SEC14L5: variants seen among roughly 807,000 people sequenced by gnomAD.
SEC14L5 encodes SEC14 like lipid binding 5, also known as SEC14-like protein 5.
SEC14L5 carries 96 observed loss-of-function variants against 84.6 expected under a neutral mutation model. That is an observed-to-expected ratio of 1.13 (90% CI 0.96 to 1.34). The LOEUF is 1.34. SEC14L5 is among the 40% of genes most tolerant of loss of function. SEC14L5 has a pLI of 0.00. For synonymous variants in SEC14L5, 546 were observed against 383.4 expected (o/e 1.42, Z -4.95); for missense variants, 1,224 against 942.5 (o/e 1.30, Z -3.91).
chr16:5,001,495 G>A (rs559063693), intron 10 of SEC14L5, among the ~76,000 whole-genome samples: 7 of 152,202 alleles, frequency 4.6e-5, no homozygotes, highest in Non-Finnish European at 7.4e-5. Context: ...TCCTGACCTC[G>A]TGATCCGCCT....
intron 15 of SEC14L5, among the ~76,000 whole-genome samples, chr16:5,013,098 C>T (rs114389635): frequency 2.1e-5 from 2 of 95,292 alleles, no homozygotes; most frequent in South Asian, 2.8e-4. Context: ...CATTCACTAT[C>T]GCAAGAAGAC....
intron 3 of SEC14L5, 39 bp from the exon 4 acceptor site, chr16:4,988,110 C>T (rs755998975): frequency 6.2e-7 from 1 of 1,609,318 alleles, no homozygotes; most frequent in Non-Finnish European, 8.5e-7. Context: ...TGCTCCACGC[C>T]GCCCACCCAC....
chr16:4,967,676 G>T (rs375617337), intron 2 of SEC14L5, among the ~76,000 whole-genome samples: 15 of 139,536 alleles, frequency 1.1e-4, no homozygotes, highest in African/African-American at 4.0e-4. Flanking sequence ...AGGGTCAAGC[G>T]ATTCTCCCAC....
intron 2 of SEC14L5, chr16:4,960,637 C>T (rs1955110504): frequency 6.6e-6 from 1 of 152,190 alleles, no homozygotes; most frequent in South Asian, 2.1e-4. Context: ...ATTCTAGCTC[C>T]CCAATTGACG....
chr16:4,982,092 G>C (rs1488915420), intron 2 of SEC14L5, among the ~76,000 whole-genome samples: 1 of 152,136 alleles, frequency 6.6e-6, no homozygotes, highest in Non-Finnish European at 1.5e-5. Flanking sequence ...AACTGACATG[G>C]AGATATGGCA....
intron 4 of SEC14L5, 134 bp downstream of exon 4, chr16:4,988,414 T>C: frequency 9.1e-7 from 1 of 1,094,310 alleles, no homozygotes; most frequent in Non-Finnish European, 1.3e-6. Context: ...TCAAGAAAGA[T>C]GCAGGATGCT....
At chr16:4,980,148 C>G (rs1955403346) in intron 2 of SEC14L5, among the ~76,000 whole-genome samples, 1 of 152,206 alleles carries the variant, frequency 6.6e-6, no homozygotes, top group South Asian at 2.1e-4. Context: ...TAGTTCCCAT[C>G]TCACCAGGGC....
At chr16:5,011,543 G>T (rs1955804498) in intron 15 of SEC14L5, among the ~76,000 whole-genome samples, 1 of 152,218 alleles carries the variant, frequency 6.6e-6, no homozygotes. Flanking sequence ...AGTTGGAGGG[G>T]AGGAGAAGGG....
At chr16:4,992,920 T>G (rs1300519110) in intron 6 of SEC14L5, among the ~76,000 whole-genome samples, 1 of 152,214 alleles carries the variant, frequency 6.6e-6, no homozygotes. Context: ...ATACATTCCA[T>G]TTGATATTTT....
At chr16:5,002,453 C>T (rs551125967) in intron 10 of SEC14L5, among the ~76,000 whole-genome samples, 212 of 152,172 alleles carry the variant, frequency 1.4e-3, no homozygotes, top group Admixed American at 5.6e-3. Context: ...CCTGCCACCA[C>T]GCCTGGCTAA....
chr16:4,994,453 C>T (rs536732466), intron 6 of SEC14L5, among the ~76,000 whole-genome samples: 1 of 152,140 alleles, frequency 6.6e-6, no homozygotes, highest in Admixed American at 6.5e-5. Context: ...AAACGATTCT[C>T]CTGCCTCAGC....
intron 10 of SEC14L5, among the ~76,000 whole-genome samples, chr16:5,001,733 A>C (rs1027575371): frequency 2.6e-5 from 4 of 151,920 alleles, no homozygotes; most frequent in Non-Finnish European, 4.4e-5. Flanking sequence ...CCCCAAAGGC[A>C]GCAAACCTTT....
chr16:4,992,450 C>A (rs926179750), intron 6 of SEC14L5, among the ~76,000 whole-genome samples: 7 of 152,134 alleles, frequency 4.6e-5, no homozygotes, highest in African/African-American at 1.7e-4. Flanking sequence ...TGGGGTTTCA[C>A]CATGTTGGTC....
intron 2 of SEC14L5, among the ~76,000 whole-genome samples, chr16:4,962,637 G>A (rs1477525173): frequency 4.1e-5 from 6 of 144,774 alleles, no homozygotes; most frequent in African/African-American, 1.3e-4. Context: ...GCAGGGAGCC[G>A]AGATCGTGCC....
At chr16:4,960,128 G>A (rs186273384) in intron 2 of SEC14L5, among the ~76,000 whole-genome samples, 41 of 152,278 alleles carry the variant, frequency 2.7e-4, no homozygotes, top group African/African-American at 9.4e-4. Flanking sequence ...TTCACCCTGG[G>A]GGCAGAAGCT....
chr16:4,966,267 CTTTTT>C (rs1019686741), intron 2 of SEC14L5, among the ~76,000 whole-genome samples: 1 of 78,770 alleles, frequency 1.3e-5, no homozygotes, highest in Non-Finnish European at 2.4e-5. Context: ...CGCCCGGCCT[CTTTTT>C]TTTTTTTTTT....
rs1237342839 is a variant in SEC14L5 at position 4,997,061 on chromosome 16, A to C, written c.970+17A>C. On this transcript the variant is annotated intron_variant, in intron 8 of 15. Transcript: ENST00000251170. ...AGGACATAGGTGCGTGCCTCCACCCACATCATGTATAGGGCATACTTTGGT... is the reference window on the plus strand; with the variant it reads ...AGGACATAGGTGCGTGCCTCCACCCCCATCATGTATAGGGCATACTTTGGT... 6.3e-7 allele frequency: 1 copy of C among 1,585,854 alleles called. No homozygotes were observed. Among genetic ancestry groups the C allele is most frequent in the South Asian group, 1.1e-5 (1 of 87,666 alleles).
intron 2 of SEC14L5, among the ~76,000 whole-genome samples, chr16:4,986,735 A>G (rs1396344608): frequency 2.0e-5 from 3 of 152,198 alleles, no homozygotes; most frequent in Non-Finnish European, 4.4e-5. Flanking sequence ...TTCAGAGTAT[A>G]CATTTTACAC....
chr16:4,978,607 A>C (rs987687421), intron 2 of SEC14L5, among the ~76,000 whole-genome samples: 2 of 149,020 alleles, frequency 1.3e-5, no homozygotes, highest in African/African-American at 5.0e-5. Context: ...AAAAATATTT[A>C]TGTATTTATT....
Sources: allele counts gnomAD v4.1 joint callset (sites outside exome capture counted in the v4.1 genomes callset), GRCh38; gene constraint gnomAD v4.1.1; transcripts MANE v1.5; gene names NCBI Gene and HGNC (gene_info 2026-07-23, HGNC 2026-07-21).